The following PPP1R13L variants were observed in gnomAD, a reference collection of about 807,000 sequenced individuals.
PPP1R13L encodes the protein relA-associated inhibitor.
A neutral mutation model predicts 80.9 loss-of-function variants in PPP1R13L; 50 were observed. The ratio of observed to expected loss-of-function variants is 0.62; its 90% CI spans 0.49 to 0.78. The LOEUF is 0.78. Among genes scored for constraint, PPP1R13L ranks in the 30% least tolerant of loss-of-function variants. The pLI is 0.00. For synonymous variants in PPP1R13L, 602 were observed against 534.3 expected (o/e 1.13, Z -1.75); for missense variants, 1,200 against 1,205.9 (o/e 1.00, Z 0.07).
rs1182623650 is a variant in PPP1R13L at position 45,395,898 on chromosome 19, G to A, written c.904-12C>T. The A allele has an allele frequency of 1.3e-6, 2 of 1,571,080 alleles. No homozygotes were observed. Among genetic ancestry groups the A allele is most frequent in the South Asian group, 1.2e-5 (1 of 86,314 alleles). ...CTAGTGAGGTTGTCCTGGGGAAGAGGGAAGGGAGAAGGGGATCGGGTGAGA... is the reference window on the plus strand; with the variant it reads ...CTAGTGAGGTTGTCCTGGGGAAGAGAGAAGGGAGAAGGGGATCGGGTGAGA... On this transcript the variant is annotated splice_polypyrimidine_tract_variant and intron_variant, in intron 6 of 12. Coordinates refer to ENST00000360957, the MANE Select transcript of PPP1R13L (RefSeq NM_006663.4).
At chr19:45,397,468 C>CTT (rs1294884126) in intron 3 of PPP1R13L, among the ~76,000 whole-genome samples, 10,169 of 85,912 alleles carry the variant, frequency 0.12, 843 homozygotes, top group Middle Eastern at 0.18. Flanking sequence ...TGCTTTCTCT[C>CTT]TCTCTCTTTC....
In PPP1R13L at chr19:45,396,338, G is replaced by C; in HGVS notation, c.811C>G (p.Arg271Gly). ...KKPSQTASYE[R>G]LDVFARPASP... ...CATTCCCCGGGCCTCCACCACTCACGTTCATAGCTCGCTGTCTGCGAAGGC... is the reference window on the plus strand; with the variant it reads ...CATTCCCCGGGCCTCCACCACTCACCTTCATAGCTCGCTGTCTGCGAAGGC... Residue 271 changes from arginine (R) to glycine (G), a missense_variant and splice_region_variant, in exon 5 of 13, where the codon CGC becomes GGC. Physicochemically the swap from Arg to Gly is moderately radical, Grantham distance 125. Coordinates refer to ENST00000360957, the MANE Select transcript of PPP1R13L (RefSeq NM_006663.4). This position sits in a 1 kb window ranked among gnomAD's most constrained non-coding sequence, Gnocchi z 5.3. The C allele has an allele frequency of 6.2e-7, 1 of 1,614,102 alleles. No homozygotes were observed.
At chr19:45,398,689 C>G (rs1251316577) in intron 1 of PPP1R13L, among the ~76,000 whole-genome samples, 1 of 148,146 alleles carries the variant, frequency 6.8e-6, no homozygotes, top group Non-Finnish European at 1.5e-5. Flanking sequence ...CTCCGCCTCC[C>G]GGGTTCAAGC....
At chr19:45,387,095 C>G (rs1972885434) in intron 8 of PPP1R13L, among the ~76,000 whole-genome samples, 1 of 151,640 alleles carries the variant, frequency 6.6e-6, no homozygotes. Context: ...ATAGTGAGAC[C>G]CAGTCTCTAC....
intron 7 of PPP1R13L, 118 bp from the exon 8 acceptor site, chr19:45,392,458 T>A (rs1400578161): frequency 9.6e-7 from 1 of 1,043,184 alleles, no homozygotes; most frequent in South Asian, 1.3e-5. Flanking sequence ...TCAGGGAAGT[T>A]CCTTGCCCTC....
chr19:45,385,989 TCCCGCGGCTGGCATCTGCGATGCC>T, intron 9 of PPP1R13L, 32 bp from the exon 10 acceptor site: 1 of 1,579,422 alleles, frequency 6.3e-7, no homozygotes, highest in South Asian at 1.1e-5. Flanking sequence ...GAAGACTCAG[TCCCGCGGCTGGCATCTGCGATGCC>T]CCCGCCGTGC....
chr19:45,382,094 A>G (rs535593173), intron 12 of PPP1R13L, among the ~76,000 whole-genome samples: 1 of 151,880 alleles, frequency 6.6e-6, no homozygotes, highest in African/African-American at 2.4e-5. Flanking sequence ...TACAAAAAGT[A>G]GCCGGGCGTG....
Position 45,385,676 on chromosome 19 carries a change from G to A in PPP1R13L, c.2134C>T (p.Leu712=). 1 of 1,612,954 alleles carries A rather than the reference G, an allele frequency of 6.2e-7. No individual in the cohort carries two copies. The highest frequency in any genetic ancestry group is 8.5e-7 in the Non-Finnish European group (1 of 1,179,766). The part of the protein sequence containing the change: ...SCNDTVICMA[L]VQHGAAIFAT... Reference sequence around the variant, plus strand: ...AAGATTGCAGCGCCGTGCTGCACCAGCGCCATGCAGATGACTGTGTCGTTG... The same window carrying A: ...AAGATTGCAGCGCCGTGCTGCACCAACGCCATGCAGATGACTGTGTCGTTG... Residue 712 remains leucine, a synonymous_variant, in exon 11 of 13, where the codon CTG becomes TTG. Coordinates refer to ENST00000360957, the MANE Select transcript of PPP1R13L (RefSeq NM_006663.4).
rs1973105789 is a variant in PPP1R13L, at chr19:45,396,719, G to A, written c.538C>T (p.Arg180Cys). The stretch of plus-strand genomic sequence containing the variant: ...GGGCTGCCGCGGGGGGAGCCTGCGC[G>A]GCCCAGGAAGTCGAAAGGCGTGGGG... ...GPPTPFDFLG[R>C]AGSPRGSPLA... The change falls in exon 4 of 13, where the codon CGC (arginine) becomes TGC (cysteine). Residue 180 changes from arginine (R) to cysteine (C), a missense_variant. Arg to Cys is a radical substitution (Grantham distance 180). Transcript: ENST00000360957. This position sits in a 1 kb window ranked among gnomAD's most constrained non-coding sequence, Gnocchi z 5.3. The A allele has an allele frequency of 7.2e-7, 1 of 1,394,524 alleles. No individual in the cohort carries two copies. Among genetic ancestry groups the A allele is most frequent in the Non-Finnish European group, 9.2e-7 (1 of 1,083,552 alleles). 86.4% of individuals were successfully genotyped at this position (1,394,524 alleles called of 1,614,324 possible).
At chr19:45,390,332 T>C (rs1213080918) in intron 8 of PPP1R13L, among the ~76,000 whole-genome samples, 3 of 151,990 alleles carry the variant, frequency 2.0e-5, no homozygotes, top group African/African-American at 7.2e-5. Context: ...AGCAAAACGC[T>C]GGAAAAAAAC....
chr19:45,394,837 T>C (rs1247804867), intron 7 of PPP1R13L: 1 of 148,258 alleles, frequency 6.7e-6, no homozygotes, highest in African/African-American at 2.5e-5. Context: ...ATCGATTCTA[T>C]CATTATTTGC....
chr19:45,390,270 C>T (rs984105871), intron 8 of PPP1R13L, among the ~76,000 whole-genome samples: 4 of 152,066 alleles, frequency 2.6e-5, no homozygotes, highest in Non-Finnish European at 5.9e-5. Flanking sequence ...TTCCCAGCTT[C>T]TCCCCCACCT....
Position 45,396,538 on chromosome 19 carries a change from G to A in PPP1R13L, c.712+7C>T. ...TCAAAGGCCCCGCGAGGGGCCCCTG[G>A]GTTCACCTTGCGCGCGCAGAGGCGG... On this transcript the variant is annotated splice_region_variant and intron_variant, in intron 4 of 12. Coordinates refer to ENST00000360957, the MANE Select transcript of PPP1R13L (RefSeq NM_006663.4). The surrounding 1 kb of genome is among the most constrained non-coding windows in gnomAD (Gnocchi z 5.3). 1.3e-6 allele frequency: 2 copies of A among 1,570,242 alleles called. No individual in the cohort carries two copies. Among genetic ancestry groups the A allele is most frequent in the Non-Finnish European group, 1.7e-6 (2 of 1,163,516 alleles).
intron 7 of PPP1R13L, chr19:45,392,652 A>C: frequency 2.2e-6 from 1 of 458,134 alleles, no homozygotes. Context: ...CAGAGAGGAC[A>C]AGTCAGTTGC....
At chr19:45,400,309 A>G (rs977492838) in intron 1 of PPP1R13L, among the ~76,000 whole-genome samples, 1 of 151,742 alleles carries the variant, frequency 6.6e-6, no homozygotes, top group African/African-American at 2.4e-5. Flanking sequence ...AGTGGGAGGG[A>G]GCTAGGCCAC....
At chr19:45,404,713 A>G (rs1190104163) in intron 1 of PPP1R13L, among the ~76,000 whole-genome samples, 3 of 151,850 alleles carry the variant, frequency 2.0e-5, no homozygotes, top group Non-Finnish European at 4.4e-5. Flanking sequence ...CTACCCAAAG[A>G]CTCGGCTTCC....
chr19:45,380,805 C>T (rs1370259961), intron 12 of PPP1R13L, among the ~76,000 whole-genome samples: 1 of 150,296 alleles, frequency 6.7e-6, no homozygotes, highest in African/African-American at 2.4e-5. Context: ...GGCGACGCAG[C>T]TGAAGCTGTG....
intron 1 of PPP1R13L, among the ~76,000 whole-genome samples, chr19:45,400,184 A>G (rs1175873630): frequency 6.6e-6 from 1 of 152,008 alleles, no homozygotes; most frequent in East Asian, 1.9e-4. Flanking sequence ...GCGACTGCTC[A>G]GCTTCCTTTC....
At position 45,396,895 on chromosome 19, in the gene PPP1R13L, G is replaced by A. The variant is rs1182945625; in HGVS notation, c.362C>T (p.Pro121Leu). ...PLSPKGRPSS[P>L]RTPLYLQPDA... ...CGGCTGCAGGTAGAGCGGGGTGCGCGGCGACGACGGCCGTCCCTTGGGGGA... is the reference window on the plus strand; with the variant it reads ...CGGCTGCAGGTAGAGCGGGGTGCGCAGCGACGACGGCCGTCCCTTGGGGGA... Residue 121 changes from proline to leucine, a missense_variant, in exon 4 of 13, where the codon CCG becomes CTG. This residue lies in a region of PPP1R13L where 764 missense variants were observed against 714.5 expected (regional missense o/e 1.07). Transcript: ENST00000360957. This position sits in a 1 kb window ranked among gnomAD's most constrained non-coding sequence, Gnocchi z 5.3. The A allele has an allele frequency of 4.6e-6, 7 of 1,518,966 alleles. No individual in the cohort carries two copies. In the South Asian group the frequency reaches 5.0e-5, roughly 11 times the overall value. 94.1% of individuals were successfully genotyped at this position (1,518,966 alleles called of 1,614,324 possible).
Sources: gnomAD v4.1 joint callset for allele counts (sites outside exome capture counted in the v4.1 genomes callset) on GRCh38, gnomAD v4.1.1 for gene constraint, gnomAD v4.1.1 regional missense constraint, Gnocchi (gnomAD v3.1) non-coding constraint, MANE v1.5 for transcripts, NCBI Gene and HGNC (gene_info 2026-07-23, HGNC 2026-07-21) for gene names.